Variants in KCP observed in about 807,000 individuals in gnomAD.
KCP encodes kielin cysteine rich BMP regulator.
In KCP, 194 loss-of-function variants were observed where a neutral mutation model predicts 212.7. The ratio of observed to expected loss-of-function variants is 0.91; its 90% CI spans 0.81 to 1.03. The LOEUF (loss-of-function observed/expected upper bound fraction) is 1.03. Ranked by LOEUF, KCP falls within the 50% of genes least tolerant of loss-of-function variation. The pLI is 0.00. For missense variants in KCP, 2,080 were observed against 2,162.5 expected (o/e 0.96, Z 0.76); for synonymous variants, 833 against 865.3 (o/e 0.96, Z 0.65).
In KCP at chr7:128,877,605, G is replaced by A. The variant is rs138150784; in HGVS notation, c.4497C>T (p.Asp1499=). ...AGGAGCCAGGGCCACAGGCACACAG[G>A]TCATACACACAGGCGGCAAAGAAGG... ...PEPFFAACVY[D]LCACGPGSSA... Residue 1499 remains aspartate, a synonymous_variant, in exon 39 of 40, where the codon GAC becomes GAT. Coordinates refer to ENST00000610776, the MANE Select transcript of KCP (RefSeq NM_001366122.1). 5.2e-6 allele frequency: 8 copies of A among 1,551,710 alleles called. No individual in the cohort carries two copies. Among genetic ancestry groups the A allele is most frequent in the Non-Finnish European group, 7.0e-6 (8 of 1,147,002 alleles).
At chr7:128,884,518 C>G (rs1038390142) in intron 28 of KCP, among the ~76,000 whole-genome samples, 4 of 152,200 alleles carry the variant, frequency 2.6e-5, no homozygotes, top group Non-Finnish European at 4.4e-5. Context: ...GGTGGCTCTC[C>G]GGCCATACAC....
intron 4 of KCP, 23 bp downstream of exon 4, chr7:128,907,078 C>G: frequency 7.1e-6 from 11 of 1,547,658 alleles, no homozygotes; most frequent in Non-Finnish European, 9.6e-6. Context: ...TGAGGGATAT[C>G]CAGGTAGGTC....
chr7:128,879,558 T>C lies in KCP; in HGVS notation c.4110A>G (p.Gly1370=). ...QEPLLYVELR[G]HTVILHAQPG... ...GCTGGGCGTGCAGGATCACAGTGTG[T>C]CCTCGCAGCTCCACATACAGCAGCG... The change falls in exon 37 of 40, where the codon GGA becomes GGG. Residue 1370 remains glycine, a synonymous_variant. Transcript: ENST00000610776. 1 of 1,550,118 alleles carries C rather than the reference T, an allele frequency of 6.5e-7. No homozygotes were observed. The highest frequency in any genetic ancestry group is 1.2e-5 in the South Asian group (1 of 84,030).
In KCP at chr7:128,893,320, C is replaced by T. The variant is rs1478149271; in HGVS notation, c.1186-1G>A. 1 of 1,551,360 alleles carries T rather than the reference C, an allele frequency of 6.4e-7. No individual in the cohort carries two copies. Among genetic ancestry groups the T allele is most frequent in the Non-Finnish European group, 8.7e-7 (1 of 1,146,888 alleles). On this transcript the variant is annotated splice_acceptor_variant, in intron 12 of 39. Coordinates refer to ENST00000610776, the MANE Select transcript of KCP (RefSeq NM_001366122.1). LOFTEE classifies it high-confidence loss of function. ...GCTCCTCACAGGAGACCTCGCCAGCCTAGGAGGGAAGCAGGTGAGACACCC... is the reference window on the plus strand; with the variant it reads ...GCTCCTCACAGGAGACCTCGCCAGCTTAGGAGGGAAGCAGGTGAGACACCC...
chr7:128,906,742 G>A (rs1795137752), intron 4 of KCP, among the ~76,000 whole-genome samples: 2 of 152,114 alleles, frequency 1.3e-5, no homozygotes, highest in Non-Finnish European at 2.9e-5. Context: ...GATGGGCAGT[G>A]GAAGAGTGGG....
At chr7:128,894,379 T>C in intron 8 of KCP, 86 bp from the exon 9 acceptor site, 2 of 1,068,904 alleles carry the variant, frequency 1.9e-6, no homozygotes. Context: ...TATCCACTTA[T>C]TAGATGTGTT....
chr7:128,891,615 C>T (rs1035956669), intron 17 of KCP, 31 bp downstream of exon 17: 1 of 1,501,900 alleles, frequency 6.7e-7, no homozygotes, highest in Non-Finnish European at 8.9e-7. Flanking sequence ...CCATCCCATC[C>T]CAGAAGGCCG....
In KCP at chr7:128,878,683, G is replaced by C. The variant is rs1469869617; in HGVS notation, c.4186C>G (p.Pro1396Ala). ...CAAGTCCGGCCCTGGTAGGAGCCAGGTACGCTCACCTCCACCTGGGACTGC... is the reference window on the plus strand; with the variant it reads ...CAAGTCCGGCCCTGGTAGGAGCCAGCTACGCTCACCTCCACCTGGGACTGC... ...DGQSQVEVSV[P>A]GSYQGRTCGL... is the part of the protein sequence containing the mutation. The change falls in exon 38 of 40, where the codon CCT becomes GCT. Residue 1396 changes from proline (P) to alanine (A), a missense_variant. Physicochemically the swap from Pro to Ala is conservative, Grantham distance 27 (BLOSUM62 -1). Coordinates refer to ENST00000610776, the MANE Select transcript of KCP (RefSeq NM_001366122.1). The C allele has an allele frequency of 7.1e-6, 11 of 1,550,766 alleles. No individual in the cohort carries two copies. Among genetic ancestry groups the C allele is most frequent in the African/African-American group, 1.4e-5 (1 of 73,066 alleles).
At chr7:128,885,516 G>A (rs115235121) in intron 26 of KCP, among the ~76,000 whole-genome samples, 1,887 of 152,352 alleles carry the variant, frequency 0.012, 46 homozygotes, top group African/African-American at 0.043. Flanking sequence ...GCTCCAGGCA[G>A]CAGGCACTGC....
chr7:128,903,768 T>C lies in KCP; in HGVS notation c.707A>G (p.Glu236Gly). The C allele has an allele frequency of 1.3e-6, 2 of 1,550,826 alleles. No homozygotes were observed. Among genetic ancestry groups the C allele is most frequent in the Non-Finnish European group, 1.7e-6 (2 of 1,146,658 alleles). The change falls in exon 7 of 40, where the codon GAG (glutamate) becomes GGG (glycine). Residue 236 changes from glutamate to glycine, a missense_variant. Coordinates refer to ENST00000610776, the MANE Select transcript of KCP (RefSeq NM_001366122.1). Reference protein sequence around the residue: ...ALKCPPSPCPEPVLRPGHCCP... With the variant: ...ALKCPPSPCPGPVLRPGHCCP... ...GCAGTGCCCAGGCCTCAGCACTGGC[T>C]CTGGGCAGGGGCTAGGCGGGCACTT... is the stretch of plus-strand genomic sequence containing the variant.
intron 8 of KCP, among the ~76,000 whole-genome samples, chr7:128,894,612 AG>A (rs1794407964): frequency 6.6e-6 from 1 of 151,972 alleles, no homozygotes; most frequent in Non-Finnish European, 1.5e-5. Context: ...GCAGGTTTGC[AG>A]GTTGCAGGTT....
chr7:128,891,413 C>T lies in KCP; in HGVS notation c.1878+38G>A, dbSNP rs369963423. On this transcript the variant is annotated intron_variant, in intron 18 of 39. Transcript: ENST00000610776. ...TCCTGGCCTCTGCAAGTCCCGCCTC[C>T]ACTCCCCTGGGCGCCTCCCACCCAG... The T allele has an allele frequency of 6.4e-4, 994 of 1,547,824 alleles. 7 individuals carry two copies. In the African/African-American group the frequency reaches 0.012, roughly 19 times the overall value.
chr7:128,892,748 C>T lies in KCP; in HGVS notation c.1467G>A (p.Val489=), dbSNP rs1232891078. The change falls in exon 15 of 40, where the codon GTG becomes GTA. Residue 489 remains valine (V), a synonymous_variant. Transcript: ENST00000610776. ...SCDSCTYHSQ[V]YANGQNFTDA... ...CCGTGAAGTTCTGCCCATTGGCATA[C>T]ACTTGGCTGTGGTAGGTGCAGCTGT... The T allele has an allele frequency of 7.1e-6, 11 of 1,551,774 alleles. No individual in the cohort carries two copies. The highest frequency in any genetic ancestry group is 9.6e-6 in the Non-Finnish European group (11 of 1,146,980).
chr7:128,903,366 T>C (rs931411513), intron 7 of KCP: 2 of 308,262 alleles, frequency 6.5e-6, no homozygotes, highest in African/African-American at 4.4e-5. Context: ...TGGTGCCTGC[T>C]TCTATTCCTG....
At chr7:128,883,038 C>T (rs1180486649) in intron 29 of KCP, among the ~76,000 whole-genome samples, 2 of 151,966 alleles carry the variant, frequency 1.3e-5, no homozygotes, top group African/African-American at 4.8e-5. Flanking sequence ...GCACTCCAGC[C>T]TGTGCGACAA....
Position 128,881,051 on chromosome 7 carries a change from T to A in KCP, c.3459A>T (p.Ala1153=). ...CVVEAEGRRV[A]DGESWRDPSN... is the part of the protein sequence containing the mutation. ...TGGGGTCCCGCCAGCTCTCTCCATC[T>A]GCCACTCTCCGGCCCTCGGCCTCCA... Residue 1153 remains alanine (A), a synonymous_variant, in exon 32 of 40, where the codon GCA becomes GCT. Coordinates refer to ENST00000610776, the MANE Select transcript of KCP (RefSeq NM_001366122.1). 5.0e-6 allele frequency: 2 copies of A among 398,888 alleles called. No homozygotes were observed. The highest frequency in any genetic ancestry group is 4.4e-6 in the Non-Finnish European group (1 of 226,256). 24.7% of individuals were successfully genotyped at this position (398,888 alleles called of 1,614,324 possible). A position where few individuals can be genotyped will look rare whatever the true frequency, so the allele number is the denominator to read the frequency against.
chr7:128,902,708 A>C, intron 8 of KCP, 69 bp downstream of exon 8: 1 of 1,376,000 alleles, frequency 7.3e-7, no homozygotes, highest in Admixed American at 2.0e-5. Context: ...ACTCCATAGA[A>C]TGAGCAAATG....
chr7:128,910,535 G>GGCCGGGCTGATAGGAGGGAGGGGGCGC, intron 1 of KCP, 66 bp downstream of exon 1: 1 of 1,415,440 alleles, frequency 7.1e-7, no homozygotes, highest in Non-Finnish European at 9.4e-7. Flanking sequence ...GGCCCCCTCA[G>GGCCGGGCTGATAGGAGGGAGGGGGCGC]GCCGGGCTGA....
chr7:128,892,689 T>C lies in KCP; in HGVS notation c.1526A>G (p.Gln509Arg). 6.4e-7 allele frequency: 1 copy of C among 1,551,720 alleles called. No homozygotes were observed. The highest frequency in any genetic ancestry group is 8.7e-7 in the Non-Finnish European group (1 of 1,146,934). ...GCAGCAGCAAGGCTGGGCAGTTACCTGACAGTGGCAGGCATGGCAAGGGCT... is the reference window on the plus strand; with the variant it reads ...GCAGCAGCAAGGCTGGGCAGTTACCCGACAGTGGCAGGCATGGCAAGGGCT... ...ADSPCHACHC[Q>R]DGTVTCSLVD... The change falls in exon 15 of 40, where the codon CAG becomes CGG. Residue 509 changes from glutamine to arginine, a missense_variant and splice_region_variant. By Grantham distance (43) the Gln-to-Arg change is conservative. Coordinates refer to ENST00000610776, the MANE Select transcript of KCP (RefSeq NM_001366122.1).
Sources: allele counts gnomAD v4.1 joint callset (sites outside exome capture counted in the v4.1 genomes callset), GRCh38; gene constraint gnomAD v4.1.1; transcripts MANE v1.5; gene names NCBI Gene and HGNC (gene_info 2026-07-23, HGNC 2026-07-21).